The following RIPOR2 variants were observed in gnomAD, a reference collection of about 807,000 sequenced individuals.
The protein encoded by RIPOR2 is RHO family interacting cell polarization regulator 2, also known as rho family-interacting cell polarization regulator 2.
In RIPOR2, 39 loss-of-function variants were observed where a neutral mutation model predicts 114.5. The observed-to-expected ratio is 0.34, with a 90% CI of 0.26 to 0.44. The LOEUF (loss-of-function observed/expected upper bound fraction) is 0.44. Ranked by LOEUF, RIPOR2 falls within the 20% of genes least tolerant of loss-of-function variation. The pLI is 1.00. For synonymous variants in RIPOR2, 445 were observed against 484.4 expected (o/e 0.92, Z 1.07); for missense variants, 1,007 against 1,255.1 (o/e 0.80, Z 2.99).
At chr6:24,821,312 A>G (rs1474828958) in intron 19 of RIPOR2, among the ~76,000 whole-genome samples, 3 of 150,420 alleles carry the variant, frequency 2.0e-5, no homozygotes, top group Non-Finnish European at 4.4e-5. Flanking sequence ...CCTCCCAAGT[A>G]GCTGGGATTA....
chr6:24,840,505 A>G, intron 13 of RIPOR2: 1 of 1,404,982 alleles, frequency 7.1e-7, no homozygotes, highest in Non-Finnish European at 9.3e-7. Flanking sequence ...CCAAATATTC[A>G]AGAGGATGCT....
chr6:24,846,430 TG>T (rs1184369317), intron 12 of RIPOR2, among the ~76,000 whole-genome samples: 1 of 150,544 alleles, frequency 6.6e-6, no homozygotes, highest in Admixed American at 6.7e-5. Flanking sequence ...TTCAGTCTCC[TG>T]GGTAGTTGGG....
intron 1 of RIPOR2, among the ~76,000 whole-genome samples, chr6:24,966,632 T>A (rs1773541147): frequency 6.6e-6 from 1 of 152,134 alleles, no homozygotes; most frequent in South Asian, 2.1e-4. Context: ...CATGATGAAG[T>A]CATGTTATGT....
Position 25,005,569 on chromosome 6 carries a change from G to C in RIPOR2, c.76+36282C>G, listed in dbSNP as rs570989924. Reference sequence around the variant, plus strand: ...CAATGAAAAAAAATTATCCTTAACTGTGAACAAAGTCAGAGACATAGTCTC... The same window carrying C: ...CAATGAAAAAAAATTATCCTTAACTCTGAACAAAGTCAGAGACATAGTCTC... On this transcript the variant is annotated intron_variant, in intron 1 of 13. Coordinates refer to the RIPOR2 transcript ENST00000510784. Among the ~76,000 whole-genome samples, 5 of 151,362 alleles carry C rather than the reference G, an allele frequency of 3.3e-5. No homozygotes were observed. In the South Asian group the frequency reaches 1.0e-3, roughly 32 times the overall value.
At chr6:24,944,817 A>G (rs957669922) in intron 1 of RIPOR2, among the ~76,000 whole-genome samples, 2 of 152,234 alleles carry the variant, frequency 1.3e-5, no homozygotes, top group African/African-American at 4.8e-5. Context: ...CTTGCCATAT[A>G]CAATGGATCT....
intron 1 of RIPOR2, among the ~76,000 whole-genome samples, chr6:25,021,569 A>G (rs1235236895): frequency 6.6e-6 from 1 of 152,234 alleles, no homozygotes; most frequent in Non-Finnish European, 1.5e-5. Flanking sequence ...GTTCTCACTC[A>G]TAAGTGGGAG....
intron 1 of RIPOR2, among the ~76,000 whole-genome samples, chr6:24,994,812 C>G (rs77864333): frequency 2.6e-5 from 4 of 152,268 alleles, no homozygotes; most frequent in Non-Finnish European, 5.9e-5. Context: ...TACACTTGCC[C>G]CATCTCTACT....
At chr6:24,988,261 C>T (rs1774625329) in intron 1 of RIPOR2, among the ~76,000 whole-genome samples, 1 of 152,176 alleles carries the variant, frequency 6.6e-6, no homozygotes, top group Non-Finnish European at 1.5e-5. Flanking sequence ...ACAATCTCGA[C>T]TGCAACCTCC....
chr6:24,870,051 T>C (rs1765007165), intron 5 of RIPOR2, among the ~76,000 whole-genome samples: 1 of 152,164 alleles, frequency 6.6e-6, no homozygotes, highest in South Asian at 2.1e-4. Context: ...GCACCGTATA[T>C]AAATTTTTTT....
At chr6:24,864,610 T>G (rs1371473347) in intron 7 of RIPOR2, among the ~76,000 whole-genome samples, 1 of 152,136 alleles carries the variant, frequency 6.6e-6, no homozygotes, top group African/African-American at 2.4e-5. Context: ...GAGTGCTGCT[T>G]TAATAATTTA....
In RIPOR2 at chr6:24,825,210, T is replaced by C. The variant is rs534548775; in HGVS notation, c.2868+16A>G. The C allele has an allele frequency of 4.6e-6, 7 of 1,537,186 alleles. No homozygotes were observed. The South Asian group carries it at 8.4e-5, about 18-fold the overall frequency. Reference sequence around the variant, plus strand: ...AAACCAGCTTCTGGCTTGATGGCCATGGTTTAGTGTCTTACCTTTTCCCTG... The same window carrying C: ...AAACCAGCTTCTGGCTTGATGGCCACGGTTTAGTGTCTTACCTTTTCCCTG... On this transcript the variant is annotated intron_variant, in intron 19 of 21. Transcript: ENST00000643898.
chr6:24,999,846 G>A (rs746833509), intron 1 of RIPOR2, among the ~76,000 whole-genome samples: 23 of 152,096 alleles, frequency 1.5e-4, no homozygotes, highest in African/African-American at 2.4e-4. Context: ...ATGAGCTACC[G>A]CGCCCAGCCC....
intron 1 of RIPOR2, chr6:25,024,595 G>C: frequency 2.1e-6 from 1 of 485,326 alleles, no homozygotes; most frequent in Non-Finnish European, 3.8e-6. Context: ...AGAGCAGTCA[G>C]ATTTTTTAAC....
intron 1 of RIPOR2, chr6:25,030,927 C>T (rs1776893647): frequency 1.3e-5 from 2 of 151,702 alleles, no homozygotes; most frequent in Admixed American, 6.6e-5. Context: ...GAACTCCTGA[C>T]CTCAGGTGAT....
rs1780692100 is a variant in RIPOR2, at chr6:24,805,083, C to T, written c.*1290G>A. The T allele has an allele frequency of 1.3e-5, 2 of 152,150 alleles. No homozygotes were observed. Among genetic ancestry groups the T allele is most frequent in the Non-Finnish European group, 2.9e-5 (2 of 68,024 alleles). 9.4% of individuals were successfully genotyped at this position (152,150 alleles called of 1,614,324 possible). On this transcript the variant is annotated 3_prime_UTR_variant, in exon 22 of 22. Coordinates refer to ENST00000643898, the MANE Select transcript of RIPOR2 (RefSeq NM_001286445.3). Reference sequence around the variant, plus strand: ...AGGAGGGACCACTTTAAATGTTCCTCCACTCCTACTCCATTAGGATTTCTC... The same window carrying T: ...AGGAGGGACCACTTTAAATGTTCCTTCACTCCTACTCCATTAGGATTTCTC...
intron 1 of RIPOR2, among the ~76,000 whole-genome samples, chr6:24,888,524 G>A (rs550612324): frequency 7.2e-5 from 11 of 152,230 alleles, no homozygotes; most frequent in African/African-American, 2.6e-4. Context: ...AACAGAAAAA[G>A]CCACTAGGTT....
chr6:25,026,045 G>GT (rs796470668), intron 1 of RIPOR2, among the ~76,000 whole-genome samples: 8,410 of 146,144 alleles, frequency 0.058, 504 homozygotes, highest in African/African-American at 0.15. Flanking sequence ...AAAGATTGTT[G>GT]TTTTTTTTTT....
At chr6:25,000,229 C>A (rs1218566418) in intron 1 of RIPOR2, among the ~76,000 whole-genome samples, 1 of 152,162 alleles carries the variant, frequency 6.6e-6, no homozygotes, top group South Asian at 2.1e-4. Context: ...CTCCAGGAAC[C>A]CTTTCCTGAC....
intron 1 of RIPOR2, among the ~76,000 whole-genome samples, chr6:24,925,913 G>A (rs191239475): frequency 6.6e-6 from 1 of 152,190 alleles, no homozygotes; most frequent in Admixed American, 6.5e-5. Context: ...CTGAGCTAAT[G>A]TTTGTCCTGT....
Sources: gnomAD v4.1 joint callset for allele counts (sites outside exome capture counted in the v4.1 genomes callset) on GRCh38, gnomAD v4.1.1 for gene constraint, MANE v1.5 for transcripts, NCBI Gene and HGNC (gene_info 2026-07-23, HGNC 2026-07-21) for gene names.